The following ENOX1 variants were observed in gnomAD, a reference collection of about 807,000 sequenced individuals.
The protein encoded by ENOX1 is candidate growth-related and time keeping constitutive hydroquinone (NADH) oxidase.
ENOX1 carries 42 observed loss-of-function variants against 82.5 expected under a neutral mutation model. The observed-to-expected ratio is 0.51, with a 90% CI of 0.40 to 0.66. The LOEUF is 0.66. ENOX1 is among the 30% of genes least tolerant of loss of function. ENOX1 has a pLI of 0.00. For synonymous variants in ENOX1, 271 were observed against 282.2 expected, an observed-to-expected ratio of 0.96 and a Z score of 0.40; for missense variants, 608 against 811.6, an observed-to-expected ratio of 0.75 and a Z score of 3.05.
chr13:43,478,376 A>G (rs955154599), intron 3 of ENOX1, among the ~76,000 whole-genome samples: 1 of 152,052 alleles, frequency 6.6e-6, no homozygotes, highest in Admixed American at 6.6e-5. Context: ...TTATTCTTCC[A>G]TGTTTATACA....
chr13:43,494,849 AG>A (rs1390489191), intron 2 of ENOX1, among the ~76,000 whole-genome samples: 1 of 152,172 alleles, frequency 6.6e-6, no homozygotes, highest in Non-Finnish European at 1.5e-5. Flanking sequence ...GAAATATAAA[AG>A]TAGGGTTGGA....
intron 2 of ENOX1, among the ~76,000 whole-genome samples, chr13:43,598,978 T>C (rs191687087): frequency 7.2e-5 from 11 of 152,250 alleles, no homozygotes; most frequent in Admixed American, 5.2e-4. Flanking sequence ...AGTGCCTTAA[T>C]TCAATTGAAG....
At chr13:43,765,513 T>C (rs943724286) in intron 1 of ENOX1, among the ~76,000 whole-genome samples, 8 of 152,166 alleles carry the variant, frequency 5.3e-5, no homozygotes, top group African/African-American at 1.9e-4. Flanking sequence ...TGCACCCCTC[T>C]AATGCTTGGT....
At chr13:43,324,207 AAG>A (rs2047975710) in intron 10 of ENOX1, among the ~76,000 whole-genome samples, 1 of 152,194 alleles carries the variant, frequency 6.6e-6, no homozygotes, top group Admixed American at 6.5e-5. Flanking sequence ...CCAATTCCCA[AAG>A]AGGTGGCTTA....
At chr13:43,306,935 G>A (rs1299723945) in intron 11 of ENOX1, among the ~76,000 whole-genome samples, 2 of 152,190 alleles carry the variant, frequency 1.3e-5, no homozygotes, top group African/African-American at 4.8e-5. Flanking sequence ...CAAACCTAAA[G>A]TATATCTTCT....
chr13:43,298,296 T>C, intron 12 of ENOX1, 50 bp downstream of exon 12: 1 of 1,514,562 alleles, frequency 6.6e-7, no homozygotes, highest in Non-Finnish European at 8.8e-7. Context: ...TTTCATTTAA[T>C]ACACATATCT....
intron 9 of ENOX1, among the ~76,000 whole-genome samples, chr13:43,329,232 G>A (rs1593967607): frequency 6.6e-6 from 1 of 152,176 alleles, no homozygotes; most frequent in African/African-American, 2.4e-5. Context: ...GACCATGTAT[G>A]CTAACTCTGA....
chr13:43,342,257 G>A (rs914359714), intron 9 of ENOX1, among the ~76,000 whole-genome samples: 14 of 152,164 alleles, frequency 9.2e-5, no homozygotes, highest in Non-Finnish European at 1.9e-4. Flanking sequence ...CCTGACTTGG[G>A]TGGTGGCGGT....
chr13:43,618,704 A>G (rs2082591715), intron 2 of ENOX1, among the ~76,000 whole-genome samples: 1 of 151,970 alleles, frequency 6.6e-6, no homozygotes, highest in South Asian at 2.1e-4. Flanking sequence ...CTTAGTCTTG[A>G]TTTGGTTATG....
At chr13:43,224,225 T>G in intron 15 of ENOX1, 87 bp from the exon 16 acceptor site, 1 of 1,060,204 alleles carries the variant, frequency 9.4e-7, no homozygotes, top group Non-Finnish European at 1.4e-6. Flanking sequence ...CAGTGACTAT[T>G]TTGTCAGGCT....
At chr13:43,522,872 T>A (rs983732363) in intron 2 of ENOX1, among the ~76,000 whole-genome samples, 4 of 152,162 alleles carry the variant, frequency 2.6e-5, no homozygotes, top group African/African-American at 9.6e-5. Flanking sequence ...AAACACAGCA[T>A]GGTTCCACAT....
chr13:43,727,097 C>T (rs1345811986), intron 1 of ENOX1, among the ~76,000 whole-genome samples: 2 of 152,138 alleles, frequency 1.3e-5, no homozygotes, highest in African/African-American at 2.4e-5. Flanking sequence ...TTTGTTCTCT[C>T]CTTCATGGGT....
intron 1 of ENOX1, among the ~76,000 whole-genome samples, chr13:43,752,891 A>ACT (rs969859848): frequency 6.7e-6 from 1 of 148,522 alleles, no homozygotes; most frequent in African/African-American, 2.5e-5. Context: ...ACAGAGTCTC[A>ACT]CTCTCTCACC....
intron 1 of ENOX1, among the ~76,000 whole-genome samples, chr13:43,731,005 G>C (rs2089308231): frequency 6.6e-6 from 1 of 152,022 alleles, no homozygotes; most frequent in Non-Finnish European, 1.5e-5. Flanking sequence ...TCATCCTTGG[G>C]GGCAGAGGCA....
chr13:43,409,238 T>C (rs1264151289), intron 5 of ENOX1, among the ~76,000 whole-genome samples: 2 of 152,156 alleles, frequency 1.3e-5, no homozygotes, highest in African/African-American at 4.8e-5. Context: ...TAAGTCCATA[T>C]GTATAGTTTG....
At chr13:43,636,280 C>G (rs1302443011) in intron 2 of ENOX1, among the ~76,000 whole-genome samples, 3 of 152,136 alleles carry the variant, frequency 2.0e-5, no homozygotes, top group Non-Finnish European at 2.9e-5. Context: ...ACATCACATC[C>G]AATTTCAAAC....
chr13:43,738,541 T>C (rs2089740024), intron 1 of ENOX1, among the ~76,000 whole-genome samples: 1 of 152,192 alleles, frequency 6.6e-6, no homozygotes, highest in Non-Finnish European at 1.5e-5. Flanking sequence ...ATTTACTACT[T>C]TTCAAAGAGA....
chr13:43,754,032 A>C (rs1950469387), intron 1 of ENOX1, among the ~76,000 whole-genome samples: 1 of 136,334 alleles, frequency 7.3e-6, no homozygotes, highest in African/African-American at 2.7e-5. Context: ...ATATACATAT[A>C]TATGTATATA....
intron 1 of ENOX1, among the ~76,000 whole-genome samples, chr13:43,784,942 G>T (rs923634190): frequency 6.6e-6 from 1 of 152,162 alleles, no homozygotes; most frequent in Non-Finnish European, 1.5e-5. Context: ...TCATTTATAC[G>T]TACACATATA....
Sources: allele counts gnomAD v4.1 joint callset (sites outside exome capture counted in the v4.1 genomes callset), GRCh38; gene constraint gnomAD v4.1.1; transcripts MANE v1.5; gene names NCBI Gene and HGNC (gene_info 2026-07-23, HGNC 2026-07-21).